The following GLP2R variants were observed in gnomAD, a reference collection of about 807,000 sequenced individuals.
GLP2R encodes glucagon-like peptide 2 receptor.
Under a neutral mutation model 68.2 loss-of-function variants are expected in GLP2R, and 59 were observed. That is an observed-to-expected ratio of 0.87 (90% CI 0.70 to 1.07). The LOEUF is 1.07. Ranked by LOEUF, GLP2R falls within the 50% of genes least tolerant of loss-of-function variation. The probability of loss-of-function intolerance (pLI) is 0.00; values close to 1 mark genes in which losing one functional copy is unlikely to be tolerated. For synonymous variants in GLP2R, 270 were observed against 265.4 expected (o/e 1.02, Z -0.17); for missense variants, 548 against 677.4 (o/e 0.81, Z 2.12).
intron 9 of GLP2R, among the ~76,000 whole-genome samples, chr17:9,869,303 C>T (rs531228827): frequency 1.3e-5 from 2 of 152,348 alleles, no homozygotes; most frequent in African/African-American, 4.8e-5. Context: ...CTGATCAGGT[C>T]ACTTGCGTGC....
At chr17:9,877,745 C>T (rs966981953) in intron 10 of GLP2R, among the ~76,000 whole-genome samples, 2 of 151,788 alleles carry the variant, frequency 1.3e-5, no homozygotes, top group South Asian at 2.1e-4. Flanking sequence ...GGCACAGTGG[C>T]GGGCGCCTGT....
intron 4 of GLP2R, among the ~76,000 whole-genome samples, chr17:9,850,381 C>T (rs1231666574): frequency 1.3e-5 from 2 of 152,254 alleles, no homozygotes; most frequent in African/African-American, 2.4e-5. Context: ...CAGTACACAG[C>T]TGCTTAACTT....
intron 6 of GLP2R, among the ~76,000 whole-genome samples, chr17:9,858,685 C>T (rs909644710): frequency 1.3e-5 from 2 of 152,204 alleles, no homozygotes; most frequent in Non-Finnish European, 2.9e-5. Context: ...TTTCTTCTGT[C>T]AGCTATAGCA....
At position 9,881,615 on chromosome 17, in the gene GLP2R, C is replaced by T. The variant is rs1367588518; in HGVS notation, c.1284+1099C>T. On this transcript the variant is annotated intron_variant, in intron 11 of 12. Coordinates refer to ENST00000262441, the MANE Select transcript of GLP2R (RefSeq NM_004246.3). ...CGGGATGGTCTCGATCTCCTGACCTCGTGATCCGCCCGCCTCGGCCTCCCA... is the reference window on the plus strand; with the variant it reads ...CGGGATGGTCTCGATCTCCTGACCTTGTGATCCGCCCGCCTCGGCCTCCCA... Among the ~76,000 whole-genome samples, 15 of 135,532 alleles carry T rather than the reference C, an allele frequency of 1.1e-4. 1 individual carries two copies. Among genetic ancestry groups the T allele is most frequent in the Non-Finnish European group, 1.8e-4 (12 of 67,836 alleles). The allele number at this position is 135,532 out of a possible 152,430, so 88.9% of individuals were successfully genotyped here. A position where few individuals can be genotyped will look rare whatever the true frequency, so the allele number is the denominator to read the frequency against.
rs1382785384 is a variant in GLP2R at position 9,826,030 on chromosome 17, G to A, written c.-34G>A. ...GCGGTGCATCTTGGACGGCTAGAGA[G>A]ATGTACCCCTACTTGTGAAGGTGCA... is the stretch of plus-strand genomic sequence containing the variant. On this transcript the variant is annotated 5_prime_UTR_variant, in exon 1 of 13. Coordinates refer to ENST00000262441, the MANE Select transcript of GLP2R (RefSeq NM_004246.3). 9 of 1,582,864 alleles carry A rather than the reference G, an allele frequency of 5.7e-6. No individual in the cohort carries two copies. Among genetic ancestry groups the A allele is most frequent in the Non-Finnish European group, 6.9e-6 (8 of 1,161,618 alleles).
intron 11 of GLP2R, among the ~76,000 whole-genome samples, chr17:9,883,866 T>G (rs146446420): frequency 1.7e-4 from 26 of 152,330 alleles, no homozygotes; most frequent in African/African-American, 6.3e-4. Context: ...AAGGATGTCC[T>G]TCATGCTGGA....
At chr17:9,872,060 G>A (rs889855710) in intron 10 of GLP2R, among the ~76,000 whole-genome samples, 1 of 152,250 alleles carries the variant, frequency 6.6e-6, no homozygotes, top group Non-Finnish European at 1.5e-5. Flanking sequence ...CATTCAGCAG[G>A]GCTCTGGAAC....
At chr17:9,841,981 A>G (rs1331963581) in intron 3 of GLP2R, among the ~76,000 whole-genome samples, 1 of 152,138 alleles carries the variant, frequency 6.6e-6, no homozygotes, top group Non-Finnish European at 1.5e-5. Context: ...TTCCCAAATC[A>G]TGGAGAGTTG....
chr17:9,838,574 A>C (rs535450034), intron 3 of GLP2R, among the ~76,000 whole-genome samples: 2 of 152,184 alleles, frequency 1.3e-5, no homozygotes, highest in African/African-American at 2.4e-5. Flanking sequence ...ATTCCACTGT[A>C]AGAGAAAATG....
rs1444677177 is a variant in GLP2R, at chr17:9,889,431, G to T, written c.1388G>T (p.Arg463Ile). 5.0e-6 allele frequency: 8 copies of T among 1,613,818 alleles called. No homozygotes were observed. The highest frequency in any genetic ancestry group is 6.8e-6 in the Non-Finnish European group (8 of 1,179,640). The change falls in exon 13 of 13, where the codon AGA becomes ATA. Residue 463 changes from arginine (R) to isoleucine (I), a missense_variant. By Grantham distance (97) the Arg-to-Ile change is moderately conservative. Transcript: ENST00000262441. ...RFLLARHSGC[R>I]ACVLGKDFRF... is the part of the protein sequence containing the mutation. ...TTGCTAGCCCGCCACTCAGGCTGCA[G>T]AGCCTGTGTCCTGGGGAAGGACTTC...
chr17:9,840,048 C>T (rs1392988979), intron 3 of GLP2R, among the ~76,000 whole-genome samples: 12 of 149,164 alleles, frequency 8.0e-5, no homozygotes, highest in Non-Finnish European at 8.9e-5. Flanking sequence ...CCGATCTTGG[C>T]TCACTGCAAC....
intron 3 of GLP2R, 143 bp downstream of exon 3, chr17:9,836,618 T>TA: frequency 1.8e-6 from 1 of 558,856 alleles, no homozygotes; most frequent in Non-Finnish European, 3.2e-6. Context: ...CATTTATTTT[T>TA]ATGTATGTAT....
chr17:9,843,302 T>C (rs1407210103), intron 4 of GLP2R, among the ~76,000 whole-genome samples: 1 of 152,170 alleles, frequency 6.6e-6, no homozygotes, highest in African/African-American at 2.4e-5. Flanking sequence ...AGAGGAACAG[T>C]CTGTGTATTC....
chr17:9,862,338 C>T (rs755161590), intron 9 of GLP2R, among the ~76,000 whole-genome samples: 1 of 152,174 alleles, frequency 6.6e-6, no homozygotes, highest in Non-Finnish European at 1.5e-5. Flanking sequence ...GCAGTCAGCT[C>T]TGTGCTCCTG....
intron 11 of GLP2R, among the ~76,000 whole-genome samples, chr17:9,880,824 G>T (rs2067188479): frequency 6.6e-6 from 1 of 152,124 alleles, no homozygotes; most frequent in African/African-American, 2.4e-5. Context: ...GCCTATTTTT[G>T]CTGGGTTCTC....
At chr17:9,842,174 C>A (rs1318082261) in intron 3 of GLP2R, among the ~76,000 whole-genome samples, 1 of 152,288 alleles carries the variant, frequency 6.6e-6, no homozygotes, top group Non-Finnish European at 1.5e-5. Flanking sequence ...CCCCACCTAG[C>A]AAGCATCAGG....
chr17:9,876,460 A>T (rs1237926720), intron 10 of GLP2R, among the ~76,000 whole-genome samples: 1 of 152,210 alleles, frequency 6.6e-6, no homozygotes. Context: ...GGGAAGTATG[A>T]TTGAACAAAG....
At chr17:9,869,935 A>G (rs117310099) in intron 9 of GLP2R, among the ~76,000 whole-genome samples, 3 of 152,334 alleles carry the variant, frequency 2.0e-5, no homozygotes, top group Non-Finnish European at 4.4e-5. Flanking sequence ...TTGCAGGCAT[A>G]TTTTTAAATT....
intron 12 of GLP2R, 53 bp from the exon 13 acceptor site, chr17:9,889,317 C>A: frequency 8.0e-7 from 1 of 1,244,566 alleles, no homozygotes; most frequent in Non-Finnish European, 1.2e-6. Context: ...GCTAAATGGA[C>A]ACATGGCTAA....
Sources: allele counts gnomAD v4.1 joint callset (sites outside exome capture counted in the v4.1 genomes callset), GRCh38; gene constraint gnomAD v4.1.1; transcripts MANE v1.5; gene names NCBI Gene and HGNC (gene_info 2026-07-23, HGNC 2026-07-21).